The following CNTNAP2 variants were observed in gnomAD, a reference collection of about 807,000 sequenced individuals.
The protein encoded by CNTNAP2 is contactin-associated protein-like 2.
A neutral mutation model predicts 155.2 loss-of-function variants in CNTNAP2; 98 were observed. The ratio of observed to expected loss-of-function variants is 0.63; its 90% confidence interval spans 0.54 to 0.75. The LOEUF is 0.75. CNTNAP2 is among the 30% of genes least tolerant of loss of function. The pLI, the probability that CNTNAP2 is intolerant of heterozygous loss-of-function variation, is 0.00. For synonymous variants in CNTNAP2, 651 were observed against 631.2 expected (o/e 1.03, Z -0.47); for missense variants, 1,727 against 1,688.1 (o/e 1.02, Z -0.40).
chr7:147,255,887 A>T (rs1212308708), intron 8 of CNTNAP2, among the ~76,000 whole-genome samples: 2 of 151,984 alleles, frequency 1.3e-5, no homozygotes, highest in Non-Finnish European at 2.9e-5. Context: ...ACAGGTGCAC[A>T]CCACCCTGCC....
At chr7:147,676,557 A>G (rs911764864) in intron 13 of CNTNAP2, among the ~76,000 whole-genome samples, 14 of 151,960 alleles carry the variant, frequency 9.2e-5, no homozygotes, top group Non-Finnish European at 5.9e-5. Flanking sequence ...TAAGAATACA[A>G]TATATGGCTA....
chr7:148,268,052 C>T (rs966650441), intron 21 of CNTNAP2, among the ~76,000 whole-genome samples: 14 of 152,228 alleles, frequency 9.2e-5, no homozygotes, highest in Admixed American at 8.5e-4. Flanking sequence ...TAGCACTGTG[C>T]AAAGCTAAAA....
chr7:146,140,831 C>T (rs1487756087), intron 1 of CNTNAP2, among the ~76,000 whole-genome samples: 4 of 152,078 alleles, frequency 2.6e-5, no homozygotes, highest in Admixed American at 2.6e-4. Flanking sequence ...TGGAAATTTA[C>T]TGTGGTGATT....
At chr7:146,257,915 T>C (rs930183764) in intron 1 of CNTNAP2, among the ~76,000 whole-genome samples, 1 of 152,070 alleles carries the variant, frequency 6.6e-6, no homozygotes, top group Non-Finnish European at 1.5e-5. Flanking sequence ...GACGTGGTCT[T>C]GCTCTGTCAC....
At chr7:148,021,565 C>T (rs1802279368) in intron 15 of CNTNAP2, among the ~76,000 whole-genome samples, 2 of 152,174 alleles carry the variant, frequency 1.3e-5, no homozygotes, top group Admixed American at 1.3e-4. Flanking sequence ...GAACGGAAGG[C>T]CTCGTGTTCA....
intron 13 of CNTNAP2, among the ~76,000 whole-genome samples, chr7:147,805,213 C>T (rs905447217): frequency 6.6e-6 from 1 of 151,960 alleles, no homozygotes; most frequent in Non-Finnish European, 1.5e-5. Flanking sequence ...CTGGGATTAC[C>T]AGCCTGGCCT....
intron 15 of CNTNAP2, among the ~76,000 whole-genome samples, chr7:148,078,393 A>G (rs1423486010): frequency 6.6e-6 from 1 of 152,196 alleles, no homozygotes; most frequent in East Asian, 1.9e-4. Flanking sequence ...TTTAAATTGC[A>G]TAATTTTCCT....
intron 1 of CNTNAP2, chr7:146,195,182 G>A (rs1422648457): frequency 1.3e-5 from 2 of 152,140 alleles, no homozygotes; most frequent in East Asian, 1.9e-4. Context: ...CAGTATTTAT[G>A]TATACAATTG....
intron 2 of CNTNAP2, among the ~76,000 whole-genome samples, chr7:146,819,332 A>G (rs1051655648): frequency 3.3e-5 from 5 of 152,120 alleles, no homozygotes; most frequent in East Asian, 1.9e-4. Context: ...TGAATCAAAG[A>G]CATTATTCTA....
intron 13 of CNTNAP2, among the ~76,000 whole-genome samples, chr7:147,833,581 C>T (rs887875360): frequency 2.0e-5 from 3 of 152,138 alleles, no homozygotes; most frequent in African/African-American, 4.8e-5. Flanking sequence ...GACATTGCCT[C>T]CAGGCAGGTC....
At chr7:148,130,494 G>A (rs1205831806) in intron 16 of CNTNAP2, among the ~76,000 whole-genome samples, 7 of 152,128 alleles carry the variant, frequency 4.6e-5, no homozygotes, top group Admixed American at 4.6e-4. Flanking sequence ...ACCCTCCCTA[G>A]TGAGGCCAAA....
At chr7:147,225,973 G>GAGAAAGAAAGAGAGAAAGAA (rs1563124052) in intron 8 of CNTNAP2, among the ~76,000 whole-genome samples, 12 of 150,628 alleles carry the variant, frequency 8.0e-5, no homozygotes, top group African/African-American at 1.2e-4. Context: ...GGAAGAAAGA[G>GAGAAAGAAAGAGAGAAAGAA]AGAAAGAAAG....
chr7:146,576,428 G>GA (rs1369472653), intron 1 of CNTNAP2, among the ~76,000 whole-genome samples: 1 of 152,292 alleles, frequency 6.6e-6, no homozygotes, highest in East Asian at 1.9e-4. Flanking sequence ...GCCCTTGGGA[G>GA]AGCCCATGGA....
chr7:147,336,583 G>C (rs991501152), intron 9 of CNTNAP2, among the ~76,000 whole-genome samples: 2 of 152,264 alleles, frequency 1.3e-5, no homozygotes, highest in African/African-American at 4.8e-5. Context: ...GTAGGTGGAA[G>C]AGATCTTGGA....
intron 13 of CNTNAP2, among the ~76,000 whole-genome samples, chr7:147,777,364 T>C (rs1395907412): frequency 6.6e-6 from 1 of 152,220 alleles, no homozygotes; most frequent in Non-Finnish European, 1.5e-5. Flanking sequence ...AAGAATAATT[T>C]AGAATGGCAA....
At chr7:147,615,451 A>G (rs902790328) in intron 12 of CNTNAP2, among the ~76,000 whole-genome samples, 4 of 151,952 alleles carry the variant, frequency 2.6e-5, no homozygotes, top group African/African-American at 9.7e-5. Flanking sequence ...ACTGTTAAAA[A>G]AAAAGAATGC....
chr7:147,170,867 G>C (rs1023744444), intron 8 of CNTNAP2, among the ~76,000 whole-genome samples: 2 of 152,122 alleles, frequency 1.3e-5, no homozygotes, highest in Admixed American at 6.5e-5. Context: ...GCGGGGCTGC[G>C]GGACAGATGT....
intron 9 of CNTNAP2, among the ~76,000 whole-genome samples, chr7:147,305,868 T>A (rs1305980782): frequency 6.6e-6 from 1 of 152,156 alleles, no homozygotes; most frequent in African/African-American, 2.4e-5. Flanking sequence ...CAGGGGAGGA[T>A]CCTTCAACTC....
intron 19 of CNTNAP2, among the ~76,000 whole-genome samples, chr7:148,221,260 T>A (rs930130614): frequency 2.6e-5 from 4 of 152,202 alleles, no homozygotes; most frequent in Admixed American, 2.0e-4. Flanking sequence ...TTAATTCCCA[T>A]GAGCTGCACA....
Sources: allele counts gnomAD v4.1 joint callset (sites outside exome capture counted in the v4.1 genomes callset), GRCh38; gene constraint gnomAD v4.1.1; transcripts MANE v1.5; gene names NCBI Gene and HGNC (gene_info 2026-07-23, HGNC 2026-07-21).